The following HDGFL2 variants were observed in gnomAD, a reference collection of about 807,000 sequenced individuals.
HDGFL2 encodes hepatoma-derived growth factor-related protein 2.
Under a neutral mutation model 77.1 loss-of-function variants are expected in HDGFL2, and 36 were observed. The observed-to-expected ratio is 0.47, with a 90% confidence interval of 0.36 to 0.62. The LOEUF (loss-of-function observed/expected upper bound fraction) is 0.62. HDGFL2 is among the 20% of genes least tolerant of loss of function. The pLI is 0.00. For missense variants in HDGFL2, 976 were observed against 973.4 expected (o/e 1.00, Z -0.04); for synonymous variants, 463 against 413.1 (o/e 1.12, Z -1.46).
intron 1 of HDGFL2, 99 bp from the exon 2 acceptor site, chr19:4,475,176 C>T (rs1975039276): frequency 1.0e-6 from 1 of 988,438 alleles, no homozygotes; most frequent in Admixed American, 2.0e-5. Context: ...GAAGGCTCCC[C>T]TCCTCCCAGC....
intron 13 of HDGFL2, 131 bp downstream of exon 13, chr19:4,499,046 G>T: frequency 1.6e-6 from 1 of 638,494 alleles, no homozygotes; most frequent in Admixed American, 2.3e-5. Context: ...GTGGGCTGCT[G>T]GGTAGAAATG....
intron 1 of HDGFL2, among the ~76,000 whole-genome samples, chr19:4,473,634 G>C (rs1168975002): frequency 6.7e-6 from 1 of 149,580 alleles, no homozygotes; most frequent in Non-Finnish European, 1.5e-5. Flanking sequence ...GAGGCAGTCA[G>C]GGGGGAAGGT....
chr19:4,488,903 C>T (rs1331146030), intron 4 of HDGFL2, 27 bp downstream of exon 4: 6 of 1,528,288 alleles, frequency 3.9e-6, no homozygotes, highest in East Asian at 2.5e-5. Context: ...GTGGGCTGGC[C>T]CTTCATCCCC....
In HDGFL2 at chr19:4,498,386, TC is replaced by T. The variant is rs1172397365; in HGVS notation, c.1473+11del. 1.9e-6 allele frequency: 3 copies of T among 1,608,854 alleles called. No individual in the cohort carries two copies. The African/African-American group carries it at 4.0e-5, about 22-fold the overall frequency. On this transcript the variant is annotated intron_variant, in intron 12 of 15. Transcript: ENST00000616600. ...AAAGGTCGACAGCCCGGTAAGACCC[TC>T]AGGGCCTGTGAGCCAAGCAGTCCCC...
chr19:4,494,122 C>T, intron 8 of HDGFL2, 44 bp from the exon 9 acceptor site: 1 of 1,503,888 alleles, frequency 6.6e-7, no homozygotes, highest in Non-Finnish European at 8.9e-7. Context: ...GGGCGGGCTC[C>T]TGAGGGAGGA....
In HDGFL2 at chr19:4,496,394, G is replaced by C. The variant is rs749172152; in HGVS notation, c.1317G>C (p.Lys439Asn). Reference protein sequence around the residue: ...QKEKRVRPEEKQQAKPVKVER... With the variant: ...QKEKRVRPEENQQAKPVKVER... ...AGAAGAGAGTGCGGCCCGAGGAGAA[G>C]CAACAAGCCAAGTGAGCCCTGCTCT... The change falls in exon 10 of 16, where the codon AAG becomes AAC. Residue 439 changes from lysine to asparagine, a missense_variant. Transcript: ENST00000616600. 6.2e-7 allele frequency: 1 copy of C among 1,613,662 alleles called. No individual in the cohort carries two copies. The highest frequency in any genetic ancestry group is 8.5e-7 in the Non-Finnish European group (1 of 1,179,762).
intron 3 of HDGFL2, among the ~76,000 whole-genome samples, chr19:4,478,807 C>T (rs1157814687): frequency 6.6e-6 from 1 of 151,848 alleles, no homozygotes; most frequent in East Asian, 2.0e-4. Flanking sequence ...GCCTCAGCCT[C>T]CCAAGTAGCT....
At chr19:4,489,911 C>T (rs1975462835) in intron 4 of HDGFL2, among the ~76,000 whole-genome samples, 1 of 152,118 alleles carries the variant, frequency 6.6e-6, no homozygotes, top group African/African-American at 2.4e-5. Flanking sequence ...CTCCGCATCC[C>T]CTCCTCTGGC....
intron 1 of HDGFL2, among the ~76,000 whole-genome samples, chr19:4,473,807 G>A (rs192190411): frequency 6.6e-6 from 1 of 152,004 alleles, no homozygotes; most frequent in Admixed American, 6.6e-5. Context: ...TTGGTCCCCT[G>A]TGGGGAGGAG....
intron 3 of HDGFL2, among the ~76,000 whole-genome samples, chr19:4,483,008 G>C (rs981321668): frequency 1.3e-5 from 2 of 152,156 alleles, no homozygotes; most frequent in African/African-American, 4.8e-5. Context: ...TCCTTACCAG[G>C]GATGCTCCAA....
chr19:4,490,013 T>C (rs1975465145), intron 4 of HDGFL2, among the ~76,000 whole-genome samples: 2 of 152,348 alleles, frequency 1.3e-5, no homozygotes, highest in Non-Finnish European at 2.9e-5. Flanking sequence ...ATAGCCTTTG[T>C]GTCCGCCTTC....
chr19:4,478,987 G>A lies in HDGFL2; in HGVS notation c.288+3404G>A, dbSNP rs1401431874. Among the ~76,000 whole-genome samples the A allele has an allele frequency of 2.0e-5, 3 of 151,630 alleles. No homozygotes were observed. The East Asian group carries it at 5.9e-4, about 30-fold the overall frequency. ...CGTGAGCCACCGCGCCCAACAGCGG[G>A]AAGTATTTTTTCCATTGAGTAGATG... On this transcript the variant is annotated intron_variant, in intron 3 of 15. Coordinates refer to ENST00000616600, the MANE Select transcript of HDGFL2 (RefSeq NM_001001520.3).
chr19:4,473,110 C>T (rs1259440007), intron 1 of HDGFL2, among the ~76,000 whole-genome samples: 5 of 150,764 alleles, frequency 3.3e-5, no homozygotes, highest in African/African-American at 1.2e-4. Flanking sequence ...TCTGGGGGTC[C>T]CGGGCCCGAG....
At chr19:4,472,450 T>TGGGGGGGGGGG (rs57169858) in intron 1 of HDGFL2, 28 bp downstream of exon 1, 30 of 282,838 alleles carry the variant, frequency 1.1e-4, no homozygotes, top group South Asian at 3.1e-4. Flanking sequence ...ATGGGGCCGG[T>TGGGGGGGGGGG]GGGGGGGGGG....
chr19:4,494,099 C>A (rs760181661), intron 8 of HDGFL2, 42 bp downstream of exon 8: 3 of 1,532,426 alleles, frequency 2.0e-6, no homozygotes, highest in Non-Finnish European at 1.8e-6. Context: ...GCTCCTCCAT[C>A]GGCTGAGGGG....
chr19:4,473,749 G>T (rs1381098059), intron 1 of HDGFL2, among the ~76,000 whole-genome samples: 1 of 151,906 alleles, frequency 6.6e-6, no homozygotes, highest in African/African-American at 2.4e-5. Flanking sequence ...TCGGGGAACT[G>T]GACCTTAGAA....
At chr19:4,478,197 G>GTTT (rs113038095) in intron 3 of HDGFL2, among the ~76,000 whole-genome samples, 70 of 140,494 alleles carry the variant, frequency 5.0e-4, no homozygotes, top group Non-Finnish European at 6.7e-4. Context: ...GGATGCTGCT[G>GTTT]TTTTTTTTTT....
chr19:4,501,737 C>T lies in HDGFL2; in HGVS notation c.1917-174C>T, dbSNP rs76640412. 99 of 546,660 alleles carry T rather than the reference C, an allele frequency of 1.8e-4. No homozygotes were observed. In the East Asian group the frequency reaches 3.1e-3, roughly 17 times the overall value. 33.9% of individuals were successfully genotyped at this position (546,660 alleles called of 1,614,324 possible). A position where few individuals can be genotyped will look rare whatever the true frequency, so the allele number is the denominator to read the frequency against. On this transcript the variant is annotated intron_variant, in intron 15 of 15. Coordinates refer to ENST00000616600, the MANE Select transcript of HDGFL2 (RefSeq NM_001001520.3). ...TGCCTGGCTGGCGCCAGCGTGGGGA[C>T]CCTGGAGATGGTTGTGGTCTCTAGT...
intron 3 of HDGFL2, among the ~76,000 whole-genome samples, chr19:4,486,998 C>A: frequency 6.6e-6 from 1 of 152,038 alleles, no homozygotes. Context: ...CGGAGTCTCG[C>A]TCTGTCACCC....
Sources: gnomAD v4.1 joint callset for allele counts (sites outside exome capture counted in the v4.1 genomes callset) on GRCh38, gnomAD v4.1.1 for gene constraint, MANE v1.5 for transcripts, NCBI Gene and HGNC (gene_info 2026-07-23, HGNC 2026-07-21) for gene names.